Variants in BRWD1 observed in about 807,000 individuals in gnomAD.
BRWD1 encodes the protein bromodomain and WD repeat-containing protein 1.
In BRWD1, 82 loss-of-function variants were observed where a neutral mutation model predicts 251.2. That is an observed-to-expected ratio of 0.33 (90% CI 0.27 to 0.39). The LOEUF (loss-of-function observed/expected upper bound fraction) is 0.39. BRWD1 is among the 10% of genes least tolerant of loss of function. The pLI is 1.00. For missense variants in BRWD1, 2,233 were observed against 2,711.6 expected, an observed-to-expected ratio of 0.82 and a Z score of 3.92; for synonymous variants, 918 against 902.8, an observed-to-expected ratio of 1.02 and a Z score of -0.30.
chr21:39,238,401 T>G, intron 22 of BRWD1, 78 bp downstream of exon 22: 1 of 1,221,240 alleles, frequency 8.2e-7, no homozygotes, highest in South Asian at 1.3e-5. Flanking sequence ...TTCTTGCCTC[T>G]TGAATAAAAT....
intron 27 of BRWD1, among the ~76,000 whole-genome samples, chr21:39,227,443 C>T (rs984365916): frequency 6.6e-6 from 1 of 151,928 alleles, no homozygotes; most frequent in Non-Finnish European, 1.5e-5. Flanking sequence ...GTCATTCAAT[C>T]ATCAATTATA....
intron 8 of BRWD1, among the ~76,000 whole-genome samples, chr21:39,292,129 G>T: frequency 4.2e-5 from 1 of 23,642 alleles, no homozygotes; most frequent in East Asian, 7.8e-4. Flanking sequence ...GGGTGGGTGG[G>T]GGTGGGGGGG....
intron 5 of BRWD1, 42 bp downstream of exon 5, chr21:39,298,390 G>A: frequency 6.7e-7 from 1 of 1,495,558 alleles, no homozygotes; most frequent in South Asian, 1.4e-5. Flanking sequence ...ATAATTATTA[G>A]GCTATTAATA....
At position 39,277,330 on chromosome 21, in the gene BRWD1, C is replaced by G. The variant is rs758131424; in HGVS notation, c.1025G>C (p.Gly342Ala). ...FSVGGMFLAT[G>A]STDHVIRMYF... Reference sequence around the variant, plus strand: ...CATTCTGATTACATGATCAGTACTACCTGTGGCTAAAAACATACCACCTGA... The same window carrying G: ...CATTCTGATTACATGATCAGTACTAGCTGTGGCTAAAAACATACCACCTGA... Residue 342 changes from glycine to alanine, a missense_variant, in exon 11 of 41, where the codon GGT becomes GCT. Transcript: ENST00000342449. 10 of 1,599,142 alleles carry G rather than the reference C, an allele frequency of 6.3e-6. No homozygotes were observed. Among genetic ancestry groups the G allele is most frequent in the Non-Finnish European group, 8.5e-6 (10 of 1,172,570 alleles).
At chr21:39,284,406 A>G (rs903723892) in intron 8 of BRWD1, among the ~76,000 whole-genome samples, 1 of 152,168 alleles carries the variant, frequency 6.6e-6, no homozygotes, top group Non-Finnish European at 1.5e-5. Context: ...TTGAGCTCAT[A>G]AGTTTGAGGC....
At chr21:39,257,538 TC>T (rs1294116385) in intron 18 of BRWD1, among the ~76,000 whole-genome samples, 1 of 151,924 alleles carries the variant, frequency 6.6e-6, no homozygotes, top group Admixed American at 6.6e-5. Context: ...GCTAATTAAA[TC>T]CTAAATTTTT....
At chr21:39,320,739 C>G (rs1459610712) in intron 1 of BRWD1, among the ~76,000 whole-genome samples, 1 of 145,704 alleles carries the variant, frequency 6.9e-6, no homozygotes, top group South Asian at 2.2e-4. Flanking sequence ...GGCATGATCT[C>G]GGCTCACTAC....
intron 35 of BRWD1, 103 bp from the exon 36 acceptor site, chr21:39,210,250 A>C: frequency 1.0e-6 from 1 of 989,820 alleles, no homozygotes; most frequent in Middle Eastern, 2.3e-4. Context: ...AAGAGAGGAA[A>C]AGGTTAGAGG....
Position 39,309,439 on chromosome 21 carries a change from T to C in BRWD1, c.198+3402A>G, listed in dbSNP as rs949180796. Among the ~76,000 whole-genome samples, 11 of 151,682 alleles carry C rather than the reference T, an allele frequency of 7.3e-5. No homozygotes were observed. In the East Asian group the frequency reaches 9.8e-4, roughly 14 times the overall value. On this transcript the variant is annotated intron_variant, in intron 4 of 40. Coordinates refer to ENST00000342449, the MANE Select transcript of BRWD1 (RefSeq NM_033656.4). ...CACCACTGCACCCCAGCCTGGGTAA[T>C]AGAGTGAGACCCAGGGTGGGGCGGG... is the stretch of plus-strand genomic sequence containing the variant.
At chr21:39,288,554 A>AG (rs1312801882) in intron 8 of BRWD1, among the ~76,000 whole-genome samples, 1 of 152,234 alleles carries the variant, frequency 6.6e-6, no homozygotes, top group African/African-American at 2.4e-5. Flanking sequence ...TGAACAACGC[A>AG]GGGGTTAGGG....
At chr21:39,230,687 T>C (rs918500333) in intron 25 of BRWD1, among the ~76,000 whole-genome samples, 1 of 151,996 alleles carries the variant, frequency 6.6e-6, no homozygotes, top group Admixed American at 6.6e-5. Flanking sequence ...CTAGAGAGCA[T>C]GTCAGCACTA....
chr21:39,266,840 A>T (rs1285316818), intron 15 of BRWD1, among the ~76,000 whole-genome samples: 1 of 152,238 alleles, frequency 6.6e-6, no homozygotes, highest in African/African-American at 2.4e-5. Flanking sequence ...AGGAAATGTC[A>T]GTAAACAAGG....
intron 4 of BRWD1, among the ~76,000 whole-genome samples, chr21:39,311,680 T>C (rs536982697): frequency 4.6e-5 from 7 of 152,342 alleles, no homozygotes; most frequent in Admixed American, 2.6e-4. Flanking sequence ...ACTCAACACA[T>C]TGCCATCAGA....
At chr21:39,290,648 C>A (rs1480901442) in intron 8 of BRWD1, among the ~76,000 whole-genome samples, 2 of 152,154 alleles carry the variant, frequency 1.3e-5, no homozygotes, top group Non-Finnish European at 2.9e-5. Flanking sequence ...AAAACAGGCA[C>A]TCTCTCAAAG....
rs2035060717 is a variant in BRWD1 at position 39,270,411 on chromosome 21, T to C, written c.1267A>G (p.Arg423Gly). ...ISGDLSSEEE[R>G]FMKPKVTMIA... The stretch of plus-strand genomic sequence containing the variant: ...ATTGTTACTTTAGGTTTCATAAACC[T>C]TTCCTCTTCGGAAGATAAGTCCCTA... Residue 423 changes from arginine to glycine, a missense_variant, in exon 14 of 41, where the codon AGG becomes GGG. Physicochemically the swap from Arg to Gly is moderately radical, Grantham distance 125. Transcript: ENST00000342449. 2 of 1,608,934 alleles carry C rather than the reference T, an allele frequency of 1.2e-6. No individual in the cohort carries two copies. The highest frequency in any genetic ancestry group is 1.7e-5 in the Admixed American group (1 of 58,858).
Position 39,200,375 on chromosome 21 carries a change from C to T in BRWD1, c.4597G>A (p.Glu1533Lys). The T allele has an allele frequency of 1.9e-6, 3 of 1,611,430 alleles. 1 individual carries two copies. Among genetic ancestry groups the T allele is most frequent in the Non-Finnish European group, 2.5e-6 (3 of 1,179,246 alleles). Residue 1533 changes from glutamate to lysine, a missense_variant, in exon 39 of 41, where the codon GAA (glutamate) becomes AAA (lysine). By Grantham distance (56) the Glu-to-Lys change is moderately conservative (BLOSUM62 1). This residue lies in a region of BRWD1 where 928 missense variants were observed against 970.0 expected (regional missense o/e 0.96). Transcript: ENST00000342449. ...GACAAAGAGGTAGCTAAAGAATCTT[C>T]CACTTCACTTTCTAGGAAAAATAAA... ...NGSTLSESEV[E>K]DSLATSLSSS...
chr21:39,231,328 T>C (rs1204121461), intron 25 of BRWD1, among the ~76,000 whole-genome samples: 1 of 152,156 alleles, frequency 6.6e-6, no homozygotes, highest in Non-Finnish European at 1.5e-5. Flanking sequence ...ACCCCATTTT[T>C]CCTATTAGTA....
chr21:39,294,882 C>A (rs919921225), intron 7 of BRWD1, among the ~76,000 whole-genome samples: 1 of 152,068 alleles, frequency 6.6e-6, no homozygotes, highest in African/African-American at 2.4e-5. Flanking sequence ...AATTTTACAC[C>A]CACAAAATGA....
intron 8 of BRWD1, among the ~76,000 whole-genome samples, chr21:39,285,772 C>CA (rs1216061739): frequency 2.1e-5 from 3 of 141,356 alleles, no homozygotes; most frequent in East Asian, 2.1e-4. Context: ...AAAACACACA[C>CA]AAAAAAACTT....
Sources: allele counts gnomAD v4.1 joint callset (sites outside exome capture counted in the v4.1 genomes callset), GRCh38; gene constraint gnomAD v4.1.1; regional missense constraint gnomAD v4.1.1; transcripts MANE v1.5; gene names NCBI Gene and HGNC (gene_info 2026-07-23, HGNC 2026-07-21).